Variants in EMP2 observed in about 807,000 individuals in gnomAD.
The protein encoded by EMP2 is epithelial membrane protein 2.
A neutral mutation model predicts 13.7 loss-of-function variants in EMP2; 19 were observed. The observed-to-expected ratio is 1.38, with a 90% confidence interval of 0.97 to 2.03. The LOEUF (loss-of-function observed/expected upper bound fraction) is 2.03, where lower values mean the gene tolerates loss of function less well. Among genes scored for constraint, EMP2 ranks in the 30% most tolerant of loss-of-function variants. The pLI is 0.00. For missense variants in EMP2, 253 were observed against 220.7 expected, an observed-to-expected ratio of 1.15 and a Z score of -0.93; for synonymous variants, 97 against 84.7, an observed-to-expected ratio of 1.15 and a Z score of -0.80.
intron 1 of EMP2, among the ~76,000 whole-genome samples, chr16:10,574,439 C>G (rs1308240049): frequency 6.6e-6 from 1 of 152,168 alleles, no homozygotes; most frequent in African/African-American, 2.4e-5. Flanking sequence ...TGTGGCCCCC[C>G]CTCATCCCTC....
At chr16:10,575,208 C>G (rs1043716267) in intron 1 of EMP2, among the ~76,000 whole-genome samples, 1 of 140,270 alleles carries the variant, frequency 7.1e-6, no homozygotes, top group Non-Finnish European at 1.5e-5. Flanking sequence ...GAAACCACAT[C>G]TGGTGGCCTT....
intron 3 of EMP2, among the ~76,000 whole-genome samples, chr16:10,540,849 T>G (rs988165379): frequency 1.3e-5 from 2 of 152,014 alleles, no homozygotes; most frequent in Non-Finnish European, 2.9e-5. Flanking sequence ...GAGGCCACAG[T>G]GGGTGAAGTG....
At chr16:10,576,232 C>T (rs1290265045) in intron 1 of EMP2, among the ~76,000 whole-genome samples, 5 of 151,940 alleles carry the variant, frequency 3.3e-5, no homozygotes. Flanking sequence ...TGCCATGGGC[C>T]TTTGAGAATT....
Position 10,580,323 on chromosome 16 carries a change from G to T in EMP2, c.-61+226C>A, listed in dbSNP as rs1364622776. Among the ~76,000 whole-genome samples the T allele has an allele frequency of 2.6e-5, 4 of 152,234 alleles. No homozygotes were observed. The highest frequency in any genetic ancestry group is 9.6e-5 in the African/African-American group (4 of 41,460). ...GCCTGCTTCGGCTCAAAAGGCGTGG[G>T]AAGCTGTCCCGGGATGGCGAAGTGG... On this transcript the variant is annotated intron_variant, in intron 1 of 4. Coordinates refer to ENST00000359543, the MANE Select transcript of EMP2 (RefSeq NM_001424.6). The surrounding 1 kb of genome is among the most constrained non-coding windows in gnomAD (Gnocchi z 4.3).
chr16:10,553,471 A>C (rs1357736335), intron 1 of EMP2, among the ~76,000 whole-genome samples: 7 of 152,042 alleles, frequency 4.6e-5, no homozygotes, highest in Non-Finnish European at 8.8e-5. Context: ...GCCCCGGTGC[A>C]GTGCTTTGCC....
intron 1 of EMP2, among the ~76,000 whole-genome samples, chr16:10,572,089 G>A (rs1189405260): frequency 6.6e-6 from 1 of 152,168 alleles, no homozygotes; most frequent in Non-Finnish European, 1.5e-5. Flanking sequence ...AAGTCAATGA[G>A]GGAGCAGGAG....
At chr16:10,553,406 G>A (rs2050803607) in intron 1 of EMP2, among the ~76,000 whole-genome samples, 1 of 152,142 alleles carries the variant, frequency 6.6e-6, no homozygotes, top group African/African-American at 2.4e-5. Context: ...CTTCACACCT[G>A]ATTGGAGGAA....
At chr16:10,536,802 G>C (rs1450086966) in intron 4 of EMP2, among the ~76,000 whole-genome samples, 1 of 151,994 alleles carries the variant, frequency 6.6e-6, no homozygotes, top group Non-Finnish European at 1.5e-5. Flanking sequence ...TTTTCTTTTT[G>C]TATAGAGGAG....
chr16:10,548,217 G>C lies in EMP2; in HGVS notation c.-60-540C>G, dbSNP rs115958159. Among the ~76,000 whole-genome samples, 745 of 152,272 alleles carry C rather than the reference G, an allele frequency of 4.9e-3. 6 individuals carry two copies. The highest frequency in any genetic ancestry group is 0.017 in the African/African-American group (700 of 41,550). On this transcript the variant is annotated intron_variant, in intron 1 of 4. Coordinates refer to ENST00000359543, the MANE Select transcript of EMP2 (RefSeq NM_001424.6). Reference sequence around the variant, plus strand: ...TGAGGACCCATTAGAATCCCTAATTGAGAAAAGCATCACGTCTCTTGGGCA... The same window carrying C: ...TGAGGACCCATTAGAATCCCTAATTCAGAAAAGCATCACGTCTCTTGGGCA...
At chr16:10,541,150 C>T (rs1041661332) in intron 3 of EMP2, among the ~76,000 whole-genome samples, 1 of 151,804 alleles carries the variant, frequency 6.6e-6, no homozygotes, top group African/African-American at 2.4e-5. Context: ...GCCTAAAAAC[C>T]CCAGCACTTT....
chr16:10,549,891 T>TC (rs1433113723), intron 1 of EMP2, among the ~76,000 whole-genome samples: 2 of 139,136 alleles, frequency 1.4e-5, no homozygotes, highest in African/African-American at 5.6e-5. Context: ...TTCTTTTTTT[T>TC]TTTTTTTTTT....
At chr16:10,567,565 G>A (rs758926594) in intron 1 of EMP2, among the ~76,000 whole-genome samples, 6 of 152,204 alleles carry the variant, frequency 3.9e-5, no homozygotes, top group Non-Finnish European at 7.3e-5. Flanking sequence ...CACAGCCCAG[G>A]GAGGGCCAGG....
intron 1 of EMP2, among the ~76,000 whole-genome samples, chr16:10,572,691 T>G (rs1168228136): frequency 6.6e-6 from 1 of 152,134 alleles, no homozygotes; most frequent in Non-Finnish European, 1.5e-5. Flanking sequence ...GGAGTTAGTT[T>G]CCAAATAGCA....
intron 3 of EMP2, 141 bp from the exon 4 acceptor site, chr16:10,538,215 A>T: frequency 9.8e-7 from 1 of 1,018,238 alleles, no homozygotes; most frequent in South Asian, 1.6e-5. Flanking sequence ...ACATGGTCTG[A>T]GCACAAGGGC....
intron 1 of EMP2, among the ~76,000 whole-genome samples, chr16:10,578,821 T>C (rs2051002333): frequency 6.6e-6 from 1 of 152,206 alleles, no homozygotes. Context: ...GGAAAACAGG[T>C]TCTGCACCTT....
Position 10,529,072 on chromosome 16 carries a change from C to G in EMP2, c.*3833G>C, listed in dbSNP as rs970899911. 6 of 152,198 alleles carry G rather than the reference C, an allele frequency of 3.9e-5. No homozygotes were observed. The highest frequency in any genetic ancestry group is 9.6e-5 in the African/African-American group (4 of 41,452). The allele number at this position is 152,198 out of a possible 1,614,324, so 9.4% of individuals were successfully genotyped here. ...CAACAAGTCAAGCATTCTCCAAACT[C>G]ATTTGAACAGAGACCCAAAATAATT... On this transcript the variant is annotated 3_prime_UTR_variant, in exon 5 of 5. Transcript: ENST00000359543.
At position 10,528,545 on chromosome 16, in the gene EMP2, CGTTGGGAACATT is replaced by C. The variant is rs2050573219; in HGVS notation, c.*4348_*4359del. 1 of 152,198 alleles carries C rather than the reference CGTTGGGAACATT, an allele frequency of 6.6e-6. No homozygotes were observed. The highest frequency in any genetic ancestry group is 1.5e-5 in the Non-Finnish European group (1 of 68,036). 9.4% of individuals were successfully genotyped at this position (152,198 alleles called of 1,614,324 possible). ...AGCATTCTGCCCTAGATGTCATCACCGTTGGGAACATTAGAGTCTTGCTCTGGGCAATCTGGT... is the reference window on the plus strand; with the variant it reads ...AGCATTCTGCCCTAGATGTCATCACCAGAGTCTTGCTCTGGGCAATCTGGT... On this transcript the variant is annotated 3_prime_UTR_variant, in exon 5 of 5. Coordinates refer to ENST00000359543, the MANE Select transcript of EMP2 (RefSeq NM_001424.6).
chr16:10,570,605 C>G (rs1476036037), intron 1 of EMP2, among the ~76,000 whole-genome samples: 1 of 152,124 alleles, frequency 6.6e-6, no homozygotes, highest in Non-Finnish European at 1.5e-5. Flanking sequence ...TTTACATTGG[C>G]CAGGCTGGTC....
intron 3 of EMP2, among the ~76,000 whole-genome samples, chr16:10,538,820 T>C (rs1031031183): frequency 2.6e-5 from 4 of 152,056 alleles, no homozygotes; most frequent in African/African-American, 9.7e-5. Flanking sequence ...AATGGGGATA[T>C]AGATATATTT....
Sources: gnomAD v4.1 joint callset for allele counts (sites outside exome capture counted in the v4.1 genomes callset) on GRCh38, gnomAD v4.1.1 for gene constraint, Gnocchi (gnomAD v3.1) non-coding constraint, MANE v1.5 for transcripts, NCBI Gene and HGNC (gene_info 2026-07-23, HGNC 2026-07-21) for gene names.